The following ATP11A variants were observed in gnomAD, a reference collection of about 807,000 sequenced individuals.
ATP11A encodes ATPase phospholipid transporting 11A.
In ATP11A, 81 loss-of-function variants were observed where a neutral mutation model predicts 154.4. That is an observed-to-expected ratio of 0.52 (90% CI 0.44 to 0.63). ATP11A has a LOEUF of 0.63. Ranked by LOEUF, ATP11A falls within the 30% of genes least tolerant of loss-of-function variation. The probability of loss-of-function intolerance (pLI) is 0.00; values close to 1 mark genes in which losing one functional copy is unlikely to be tolerated. For synonymous variants in ATP11A, 623 were observed against 585.9 expected (o/e 1.06, Z -0.91); for missense variants, 1,316 against 1,474.3 (o/e 0.89, Z 1.76).
intron 25 of ATP11A, among the ~76,000 whole-genome samples, chr13:112,870,832 G>A (rs911447898): frequency 1.3e-5 from 2 of 152,268 alleles, no homozygotes; most frequent in Non-Finnish European, 2.9e-5. Context: ...CCCAAGGCGG[G>A]GGGTGGTCTG....
chr13:112,712,977 G>C (rs765400662), intron 1 of ATP11A, among the ~76,000 whole-genome samples: 6 of 152,252 alleles, frequency 3.9e-5, no homozygotes, highest in Admixed American at 6.5e-5. Flanking sequence ...TTGTTTGAAT[G>C]TTTGAAAGAG....
intron 1 of ATP11A, among the ~76,000 whole-genome samples, chr13:112,701,811 C>T (rs1025003926): frequency 4.6e-5 from 7 of 152,038 alleles, no homozygotes; most frequent in Non-Finnish European, 5.9e-5. Flanking sequence ...CCAGCCTGGG[C>T]GACAGAGCAG....
At chr13:112,730,841 G>A (rs1026035127) in intron 1 of ATP11A, among the ~76,000 whole-genome samples, 7 of 152,240 alleles carry the variant, frequency 4.6e-5, no homozygotes, top group Admixed American at 6.5e-5. Context: ...ATTAGATGCC[G>A]CTGTGACGGC....
intron 1 of ATP11A, among the ~76,000 whole-genome samples, chr13:112,702,551 GCTT>G (rs1345744232): frequency 6.6e-6 from 1 of 152,188 alleles, no homozygotes; most frequent in African/African-American, 2.4e-5. Flanking sequence ...TGTTCCGCGG[GCTT>G]CTTGTCCCTT....
chr13:112,770,621 C>T (rs540875150), intron 1 of ATP11A, among the ~76,000 whole-genome samples: 2 of 152,292 alleles, frequency 1.3e-5, no homozygotes, highest in East Asian at 1.9e-4. Context: ...CATCTCAGCA[C>T]GGCGGTGGAA....
intron 1 of ATP11A, among the ~76,000 whole-genome samples, chr13:112,742,381 G>A (rs532506818): frequency 1.6e-4 from 24 of 152,216 alleles, no homozygotes; most frequent in African/African-American, 4.8e-4. Context: ...GTGGTCCCAC[G>A]GAGGAGCCCC....
chr13:112,876,002 A>G (rs1289326164), intron 28 of ATP11A, 61 bp downstream of exon 28: 1 of 1,552,652 alleles, frequency 6.4e-7, no homozygotes. Flanking sequence ...GGATTGGGAG[A>G]TGACCGTTTT....
In ATP11A at chr13:112,819,306, G is replaced by A. The variant is rs755176406; in HGVS notation, c.573G>A (p.Thr191=). 2.7e-5 allele frequency: 43 copies of A among 1,614,026 alleles called. No individual in the cohort carries two copies. Among genetic ancestry groups the A allele is most frequent in the Admixed American group, 5.0e-5 (3 of 60,014 alleles). Reference sequence around the variant, plus strand: ...TCACATGTCTTGTGCATTTGTAGACGCATTACGCGGTCCAGGACACCAAAG... The same window carrying A: ...TCACATGTCTTGTGCATTTGTAGACACATTACGCGGTCCAGGACACCAAAG... The part of the protein sequence containing the change: ...ASLDGESSHK[T]HYAVQDTKGF... The change falls in exon 7 of 30, where the codon ACG becomes ACA. Residue 191 remains threonine (T), a splice_region_variant and synonymous_variant. Transcript: ENST00000375645.
chr13:112,743,029 T>C (rs1297682169), intron 1 of ATP11A, among the ~76,000 whole-genome samples: 4 of 152,312 alleles, frequency 2.6e-5, no homozygotes, highest in South Asian at 2.1e-4. Context: ...TGACAGCACA[T>C]GTGCCAGCAG....
At chr13:112,834,781 CCTT>C (rs1440926051) in intron 15 of ATP11A, 121 bp downstream of exon 15, 12 of 750,948 alleles carry the variant, frequency 1.6e-5, no homozygotes, top group Non-Finnish European at 2.0e-5. Context: ...CGCTTCCTCT[CCTT>C]CCCAGTGACA....
rs2078362133 is a variant in ATP11A, at chr13:112,807,697, C to T, written c.333+1404C>T. On this transcript the variant is annotated intron_variant, in intron 4 of 29. Transcript: ENST00000375645. The surrounding 1 kb of genome is among the most constrained non-coding windows in gnomAD (Gnocchi z 4.5). Reference sequence around the variant, plus strand: ...GTTACTCGGGGACCTGCCATGTGTCCTCGGGCCCAAAGTCACAGTTTCCAG... The same window carrying T: ...GTTACTCGGGGACCTGCCATGTGTCTTCGGGCCCAAAGTCACAGTTTCCAG... Among the ~76,000 whole-genome samples, 2 of 152,164 alleles carry T rather than the reference C, an allele frequency of 1.3e-5. No homozygotes were observed. The highest frequency in any genetic ancestry group is 1.3e-4 in the Admixed American group (2 of 15,282).
At chr13:112,747,683 A>C (rs1177942678) in intron 1 of ATP11A, among the ~76,000 whole-genome samples, 1 of 152,200 alleles carries the variant, frequency 6.6e-6, no homozygotes, top group Non-Finnish European at 1.5e-5. Flanking sequence ...TAAAAGTACA[A>C]AAATTAGCCA....
Position 112,785,044 on chromosome 13 carries a change from T to G in ATP11A, c.40-91T>G. The G allele has an allele frequency of 7.4e-7, 1 of 1,353,502 alleles. No individual in the cohort carries two copies. The highest frequency in any genetic ancestry group is 2.0e-5 in the South Asian group (1 of 49,010). The allele number at this position is 1,353,502 out of a possible 1,614,324, so 83.8% of individuals were successfully genotyped here. On this transcript the variant is annotated intron_variant, in intron 1 of 29. Coordinates refer to ENST00000375645, the MANE Select transcript of ATP11A (RefSeq NM_015205.3). This position sits in a 1 kb window ranked among gnomAD's most constrained non-coding sequence, Gnocchi z 4.8. Reference sequence around the variant, plus strand: ...CTCAGCAGCAGGTACAGGTCTCCGTTCCGACGAACGTGCCTCAAGGCAACA... The same window carrying G: ...CTCAGCAGCAGGTACAGGTCTCCGTGCCGACGAACGTGCCTCAAGGCAACA...
In ATP11A at chr13:112,836,261, CT is replaced by C; in HGVS notation, c.1705+15del. On this transcript the variant is annotated intron_variant, in intron 16 of 29. Coordinates refer to ENST00000375645, the MANE Select transcript of ATP11A (RefSeq NM_015205.3). ...GTAAAATCTGCTACAGGTAAAATTT[CT>C]TTTTCTTTTGATTTATTAAGTTATA... 1.3e-6 allele frequency: 2 copies of C among 1,580,424 alleles called. No homozygotes were observed. Among genetic ancestry groups the C allele is most frequent in the Non-Finnish European group, 8.7e-7 (1 of 1,153,070 alleles).
rs1464889925 is a variant in ATP11A, at chr13:112,807,287, C to T, written c.333+994C>T. 6.6e-6 allele frequency among the ~76,000 whole-genome samples: 1 copy of T among 152,214 alleles called. No individual in the cohort carries two copies. The highest frequency in any genetic ancestry group is 2.1e-4 in the South Asian group (1 of 4,828). Reference sequence around the variant, plus strand: ...GATGATAAACATGCAGCTGTGCAGTCAGTACATGGGGCCTGTGTGTCTTCA... The same window carrying T: ...GATGATAAACATGCAGCTGTGCAGTTAGTACATGGGGCCTGTGTGTCTTCA... On this transcript the variant is annotated intron_variant, in intron 4 of 29. Transcript: ENST00000375645. This position sits in a 1 kb window ranked among gnomAD's most constrained non-coding sequence, Gnocchi z 4.5.
At chr13:112,813,442 A>G (rs1243290043) in intron 5 of ATP11A, among the ~76,000 whole-genome samples, 1 of 152,182 alleles carries the variant, frequency 6.6e-6, no homozygotes, top group African/African-American at 2.4e-5. Context: ...TGCACCAGCC[A>G]TTCCTTCCCT....
At chr13:112,843,105 C>T (rs1261300861) in intron 17 of ATP11A, among the ~76,000 whole-genome samples, 2 of 149,710 alleles carry the variant, frequency 1.3e-5, no homozygotes, top group African/African-American at 4.9e-5. Context: ...GAGGTCCTAA[C>T]GCCGAGCGAC....
At chr13:112,717,584 T>A (rs1201150549) in intron 1 of ATP11A, 1 of 152,260 alleles carries the variant, frequency 6.6e-6, no homozygotes, top group African/African-American at 2.4e-5. Context: ...AACACTACTG[T>A]CAAGTTTATA....
In ATP11A at chr13:112,807,532, C is replaced by T. The variant is rs974646819; in HGVS notation, c.333+1239C>T. On this transcript the variant is annotated intron_variant, in intron 4 of 29. Coordinates refer to ENST00000375645, the MANE Select transcript of ATP11A (RefSeq NM_015205.3). The surrounding 1 kb of genome is among the most constrained non-coding windows in gnomAD (Gnocchi z 4.5). The stretch of plus-strand genomic sequence containing the variant: ...CTCACGCTTCCCAAGGACGCGCTGC[C>T]TGTGACTCAGGCAGTTTAACTCCTA... Among the ~76,000 whole-genome samples the T allele has an allele frequency of 9.2e-5, 14 of 152,192 alleles. No homozygotes were observed. The highest frequency in any genetic ancestry group is 3.1e-4 in the African/African-American group (13 of 41,436).
Sources: gnomAD v4.1 joint callset for allele counts (sites outside exome capture counted in the v4.1 genomes callset) on GRCh38, gnomAD v4.1.1 for gene constraint, Gnocchi (gnomAD v3.1) non-coding constraint, MANE v1.5 for transcripts, NCBI Gene and HGNC (gene_info 2026-07-23, HGNC 2026-07-21) for gene names.